The following ANKRD17 variants were observed in gnomAD, a reference collection of about 807,000 sequenced individuals.
ANKRD17 encodes the protein ankyrin repeat domain-containing protein 17.
In ANKRD17, 19 loss-of-function variants were observed where a neutral mutation model predicts 229.7. The observed-to-expected ratio is 0.08, with a 90% CI of 0.06 to 0.12. The LOEUF is 0.12. ANKRD17 is among the 10% of genes least tolerant of loss of function. The pLI is 1.00. For synonymous variants in ANKRD17, 1,112 were observed against 1,146.1 expected, an observed-to-expected ratio of 0.97 and a Z score of 0.60; for missense variants, 2,176 against 3,176.8, an observed-to-expected ratio of 0.68 and a Z score of 7.57.
At chr4:73,135,735 T>A (rs149512327) in intron 15 of ANKRD17, among the ~76,000 whole-genome samples, 188 of 152,310 alleles carry the variant, frequency 1.2e-3, no homozygotes, top group African/African-American at 4.4e-3. Context: ...AATCTCACTA[T>A]GCAATCATTT....
chr4:73,218,544 G>A (rs1741403957), intron 1 of ANKRD17, among the ~76,000 whole-genome samples: 3 of 150,630 alleles, frequency 2.0e-5, no homozygotes, highest in Admixed American at 6.6e-5. Context: ...TCCAGAGGCT[G>A]AGACAAGAGA....
At chr4:73,088,950 C>G (rs773161546) in intron 29 of ANKRD17, among the ~76,000 whole-genome samples, 1 of 152,098 alleles carries the variant, frequency 6.6e-6, no homozygotes, top group Non-Finnish European at 1.5e-5. Context: ...ATACAATATG[C>G]AAATGAATGG....
chr4:73,252,227 T>A lies in ANKRD17; in HGVS notation c.393+6049A>T, dbSNP rs1745092853. On this transcript the variant is annotated intron_variant, in intron 1 of 33. Transcript: ENST00000358602. ...AGATGAGTAAGACAAGGCTTTTGCTTTCAGATATGACAGTCCACAGCACAC... is the reference window on the plus strand; with the variant it reads ...AGATGAGTAAGACAAGGCTTTTGCTATCAGATATGACAGTCCACAGCACAC... 1.3e-5 allele frequency among the ~76,000 whole-genome samples: 2 copies of A among 152,192 alleles called. 1 individual carries two copies. The highest frequency in any genetic ancestry group is 2.9e-5 in the Non-Finnish European group (2 of 68,030).
At chr4:73,213,365 G>A (rs1740579789) in intron 1 of ANKRD17, among the ~76,000 whole-genome samples, 1 of 152,094 alleles carries the variant, frequency 6.6e-6, no homozygotes, top group South Asian at 2.1e-4. Flanking sequence ...ATAAATATCT[G>A]GACAACCTGC....
At chr4:73,139,040 T>C (rs1729277240) in intron 15 of ANKRD17, among the ~76,000 whole-genome samples, 1 of 136,016 alleles carries the variant, frequency 7.4e-6, no homozygotes, top group African/African-American at 2.5e-5. Flanking sequence ...ATTAATTTTG[T>C]AAAAGTGTTT....
At chr4:73,183,577 CCTT>C (rs2149028320) in intron 1 of ANKRD17, among the ~76,000 whole-genome samples, 1 of 152,210 alleles carries the variant, frequency 6.6e-6, no homozygotes, top group East Asian at 1.9e-4. Context: ...ACCTCAGCCT[CCTT>C]CTCTTCCTTC....
intron 2 of ANKRD17, among the ~76,000 whole-genome samples, chr4:73,168,381 A>G (rs1270800168): frequency 2.6e-5 from 4 of 152,114 alleles, no homozygotes; most frequent in Non-Finnish European, 4.4e-5. Context: ...ATGATTATAG[A>G]GATTTCATTA....
rs78024451 is a variant in ANKRD17, at chr4:73,091,949, A to G, written c.5679T>C (p.Ala1893=). 1.5e-5 allele frequency: 25 copies of G among 1,614,218 alleles called. No individual in the cohort carries two copies. The East Asian group carries it at 4.7e-4, about 30-fold the overall frequency. ...LAYPPPQFAH[A]LLAAQTFQQI... The stretch of plus-strand genomic sequence containing the variant: ...GCTGGAAAGTCTGAGCAGCAAGCAA[A>G]GCATGTGCAAACTGTGGAGGAGGAT... Residue 1893 remains alanine (A), a synonymous_variant, in exon 29 of 34, where the codon GCT becomes GCC. Coordinates refer to ENST00000358602, the MANE Select transcript of ANKRD17 (RefSeq NM_032217.5).
At chr4:73,079,280 T>G (rs529056869) in intron 30 of ANKRD17, among the ~76,000 whole-genome samples, 1 of 152,376 alleles carries the variant, frequency 6.6e-6, no homozygotes, top group African/African-American at 2.4e-5. Context: ...TCCCTGGGAA[T>G]ACTTGCTCTT....
intron 15 of ANKRD17, among the ~76,000 whole-genome samples, chr4:73,135,760 C>T (rs943494511): frequency 2.0e-5 from 3 of 152,132 alleles, no homozygotes; most frequent in Non-Finnish European, 4.4e-5. Flanking sequence ...CACCGCCATA[C>T]TGTTTTACTA....
intron 32 of ANKRD17, 78 bp from the exon 33 acceptor site, chr4:73,077,182 G>T: frequency 1.4e-6 from 2 of 1,426,466 alleles, no homozygotes; most frequent in Non-Finnish European, 1.9e-6. Context: ...CCTTAAAATT[G>T]ATATTTGAAA....
chr4:73,089,995 A>G (rs1722629673), intron 29 of ANKRD17, among the ~76,000 whole-genome samples: 2 of 152,102 alleles, frequency 1.3e-5, no homozygotes, highest in South Asian at 4.2e-4. Context: ...TTTTAGAAAT[A>G]AAAAAGATAA....
In ANKRD17 at chr4:73,101,597, G is replaced by A. The variant is rs562469798; in HGVS notation, c.4573+779C>T. ...GGAGAATAGCTTGAACCCGGGAAAC[G>A]GAGGTTGCAGTGAACCGAGAGCATA... On this transcript the variant is annotated intron_variant, in intron 25 of 33. Transcript: ENST00000358602. 2.9e-4 allele frequency among the ~76,000 whole-genome samples: 44 copies of A among 149,630 alleles called. 1 individual carries two copies. The highest frequency in any genetic ancestry group is 9.9e-4 in the East Asian group (5 of 5,046).
chr4:73,226,420 A>C (rs1330690365), intron 1 of ANKRD17, among the ~76,000 whole-genome samples: 2 of 94,400 alleles, frequency 2.1e-5, no homozygotes, highest in African/African-American at 8.4e-5. Flanking sequence ...TTTGAGACGG[A>C]GTCTCGCACT....
rs1290994825 is a variant in ANKRD17, at chr4:73,156,125, G to T, written c.746C>A (p.Ala249Asp). 1 of 1,612,196 alleles carries T rather than the reference G, an allele frequency of 6.2e-7. No homozygotes were observed. Among genetic ancestry groups the T allele is most frequent in the Non-Finnish European group, 8.5e-7 (1 of 1,179,634 alleles). ...CCCTTCAATGAGTAACTTTCGCACA[G>T]CATTTACATCTCCTTCTGAACAGGC... ...AEACSEGDVNAVRKLLIEGRS... is the reference protein window; with the variant it reads ...AEACSEGDVNDVRKLLIEGRS... Residue 249 changes from alanine to aspartate, a missense_variant, in exon 4 of 34, where the codon GCT becomes GAT. Around this residue, in one of 18 missense-constraint regions of ANKRD17, gnomAD observed 184 missense variants for 357.8 expected, o/e 0.51. Coordinates refer to ENST00000358602, the MANE Select transcript of ANKRD17 (RefSeq NM_032217.5).
chr4:73,143,163 T>C (rs1171958459), intron 11 of ANKRD17, among the ~76,000 whole-genome samples: 2 of 152,238 alleles, frequency 1.3e-5, no homozygotes, highest in African/African-American at 4.8e-5. Context: ...CTGCCCTCTA[T>C]GGGCTTTATG....
intron 24 of ANKRD17, among the ~76,000 whole-genome samples, chr4:73,103,823 CTCCGGTTT>C (rs923041487): frequency 5.4e-5 from 7 of 130,282 alleles, no homozygotes; most frequent in African/African-American, 1.7e-4. Context: ...AATTAACCCT[CTCCGGTTT>C]TTTTTTTTTT....
At chr4:73,195,602 G>A (rs772898662) in intron 1 of ANKRD17, among the ~76,000 whole-genome samples, 17 of 151,656 alleles carry the variant, frequency 1.1e-4, no homozygotes, top group Admixed American at 6.6e-4. Context: ...TCTGCCTCCC[G>A]GGTTCAAGCT....
intron 28 of ANKRD17, among the ~76,000 whole-genome samples, chr4:73,093,337 G>A (rs967758262): frequency 1.1e-4 from 16 of 145,844 alleles, no homozygotes; most frequent in African/African-American, 3.5e-4. Context: ...TTCAAGATAA[G>A]TTATATCTTC....
Sources: allele counts gnomAD v4.1 joint callset (sites outside exome capture counted in the v4.1 genomes callset), GRCh38; gene constraint gnomAD v4.1.1; regional missense constraint gnomAD v4.1.1; transcripts MANE v1.5; gene names NCBI Gene and HGNC (gene_info 2026-07-23, HGNC 2026-07-21).